Variants in NELFA observed in about 807,000 individuals in gnomAD.
NELFA encodes the protein negative elongation factor complex member A.
In NELFA, 35 loss-of-function variants were observed where a neutral mutation model predicts 51.8. The ratio of observed to expected loss-of-function variants is 0.68; its 90% CI spans 0.52 to 0.90. The LOEUF is 0.90. Among genes scored for constraint, NELFA ranks in the 40% least tolerant of loss-of-function variants. The pLI, the probability that NELFA is intolerant of heterozygous loss-of-function variation, is 0.00. For missense variants in NELFA, 658 were observed against 746.4 expected (o/e 0.88, Z 1.38); for synonymous variants, 417 against 338.4 (o/e 1.23, Z -2.55).
In NELFA at chr4:1,982,763, T is replaced by G. The variant is rs1407289640; in HGVS notation, c.*556A>C. On this transcript the variant is annotated 3_prime_UTR_variant, in exon 11 of 11. Transcript: ENST00000382882. ...TCGACTTTAATGGTTCAGATAGTTTTACAATGAAAATAGGTACCCAAAGAC... is the reference window on the plus strand; with the variant it reads ...TCGACTTTAATGGTTCAGATAGTTTGACAATGAAAATAGGTACCCAAAGAC... 6.6e-6 allele frequency: 1 copy of G among 152,148 alleles called. No homozygotes were observed. The highest frequency in any genetic ancestry group is 2.4e-5 in the African/African-American group (1 of 41,440). 9.4% of individuals were successfully genotyped at this position (152,148 alleles called of 1,614,324 possible).
intron 1 of NELFA, among the ~76,000 whole-genome samples, chr4:2,002,265 G>A (rs1348524039): frequency 1.3e-5 from 2 of 152,086 alleles, no homozygotes; most frequent in Admixed American, 6.6e-5. Flanking sequence ...TTCCATCCTC[G>A]TGGATAGGAA....
At chr4:1,986,031 C>T (rs1728081441) in intron 6 of NELFA, 83 bp downstream of exon 6, 2 of 1,471,532 alleles carry the variant, frequency 1.4e-6, no homozygotes, top group African/African-American at 1.4e-5. Flanking sequence ...GCCCTGCCCG[C>T]CGAGCGTGGG....
chr4:2,008,049 T>C (rs1348183791), intron 1 of NELFA: 1 of 456,808 alleles, frequency 2.2e-6, no homozygotes, highest in Non-Finnish European at 4.4e-6. Flanking sequence ...GCCGGGGTCT[T>C]TGCGAGGTGA....
intron 1 of NELFA, among the ~76,000 whole-genome samples, chr4:1,999,153 T>G (rs1039205800): frequency 6.6e-6 from 1 of 150,890 alleles, no homozygotes; most frequent in Admixed American, 6.6e-5. Flanking sequence ...AAAGAAGCAC[T>G]AAATATGGAA....
chr4:1,983,910 T>G lies in NELFA; in HGVS notation c.1240A>C (p.Met414Leu). 6.2e-7 allele frequency: 1 copy of G among 1,604,970 alleles called. No individual in the cohort carries two copies. Among genetic ancestry groups the G allele is most frequent in the Non-Finnish European group, 8.5e-7 (1 of 1,175,514 alleles). Residue 414 changes from methionine (M) to leucine (L), a missense_variant, in exon 9 of 11, where the codon ATG becomes CTG. Around this residue, in one of 3 missense-constraint regions of NELFA, gnomAD observed 200 missense variants for 167.9 expected, o/e 1.19. Coordinates refer to ENST00000382882, the MANE Select transcript of NELFA (RefSeq NM_005663.5). ...GGGGCCTGGGTCTGCGGGGCCACCA[T>G]GGCAACCGGGGGTGTCTGAGTGGTA... ...APTTQTPPVA[M>L]VAPQTQAPAQ... is the part of the protein sequence containing the mutation.
intron 1 of NELFA, among the ~76,000 whole-genome samples, chr4:2,008,326 A>G (rs1286041824): frequency 2.7e-5 from 4 of 149,036 alleles, no homozygotes; most frequent in African/African-American, 1.0e-4. Context: ...GGGCCCAGGG[A>G]GGGGAGTGAG....
intron 1 of NELFA, chr4:2,008,075 G>A (rs1728758375): frequency 4.4e-6 from 2 of 456,238 alleles, no homozygotes; most frequent in Admixed American, 2.4e-5. Flanking sequence ...AGAAAATCCA[G>A]TCAGCGGACA....
intron 1 of NELFA, among the ~76,000 whole-genome samples, chr4:1,997,988 A>C (rs988239829): frequency 1.3e-5 from 2 of 152,126 alleles, no homozygotes; most frequent in Admixed American, 6.5e-5. Context: ...ATGGGAGTGA[A>C]TCAGATGAAT....
chr4:2,008,673 G>A, intron 1 of NELFA, 77 bp downstream of exon 1: 1 of 1,508,402 alleles, frequency 6.6e-7, no homozygotes, highest in Non-Finnish European at 9.0e-7. Flanking sequence ...GAGCGAGGAG[G>A]GTCCGGAGTT....
intron 1 of NELFA, chr4:2,008,126 G>A (rs1728760157): frequency 2.3e-6 from 1 of 437,806 alleles, no homozygotes. Context: ...CTCACGCGGG[G>A]GTTTCTCTCG....
chr4:1,990,929 T>G (rs572108140), intron 2 of NELFA, among the ~76,000 whole-genome samples: 2 of 152,300 alleles, frequency 1.3e-5, no homozygotes, highest in Non-Finnish European at 2.9e-5. Flanking sequence ...GCCTCCCAAG[T>G]ACCTGGGAGG....
chr4:1,985,132 TAGGAGAGGGGAGGGGTTGAGGAGCCCA>T (rs1728044454), intron 7 of NELFA, among the ~76,000 whole-genome samples: 1 of 152,006 alleles, frequency 6.6e-6, no homozygotes, highest in Non-Finnish European at 1.5e-5. Flanking sequence ...CGCTCCTGTG[TAGGAGAGGGGAGGGGTTGAGGAGCCCA>T]AACAGCCCAT....
In NELFA at chr4:1,983,972, G is replaced by C; in HGVS notation, c.1178C>G (p.Ser393Trp). Residue 393 changes from serine (S) to tryptophan (W), a missense_variant, in exon 9 of 11, where the codon TCG becomes TGG. Physicochemically the swap from Ser to Trp is radical, Grantham distance 177. Coordinates refer to ENST00000382882, the MANE Select transcript of NELFA (RefSeq NM_005663.5). ...PATPTPAAPT[S>W]PLTPTTPPAV... ...CGGAGGTGTGGTGGGTGTCAGAGGC[G>C]AGGTGGGCGCCGCAGGCGTGGGTGT... The C allele has an allele frequency of 6.2e-7, 1 of 1,610,910 alleles. No homozygotes were observed. The highest frequency in any genetic ancestry group is 8.5e-7 in the Non-Finnish European group (1 of 1,179,668).
At chr4:1,995,798 A>G (rs1728405745) in intron 1 of NELFA, among the ~76,000 whole-genome samples, 2 of 152,112 alleles carry the variant, frequency 1.3e-5, no homozygotes. Flanking sequence ...GCCCCAAAAT[A>G]TATACAGCAT....
Position 1,993,559 on chromosome 4 carries a change from CAA to C in NELFA, c.211-1846_211-1845del, listed in dbSNP as rs558712643. 7.7e-3 allele frequency among the ~76,000 whole-genome samples: 1,009 copies of C among 130,660 alleles called. 10 individuals are homozygous for C. The highest frequency in any genetic ancestry group is 0.028 in the African/African-American group (964 of 34,372). The allele number at this position is 130,660 out of a possible 152,430, so 85.7% of individuals were successfully genotyped here. A position where few individuals can be genotyped will look rare whatever the true frequency, so the allele number is the denominator to read the frequency against. On this transcript the variant is annotated intron_variant, in intron 1 of 10. Coordinates refer to ENST00000382882, the MANE Select transcript of NELFA (RefSeq NM_005663.5). ...CACCATTGCACTCCAACCTGGGCAACAAGAGCGAAACTCCATCTCAAAAAAAA... is the reference window on the plus strand; with the variant it reads ...CACCATTGCACTCCAACCTGGGCAACGAGCGAAACTCCATCTCAAAAAAAA...
chr4:2,008,934 G>A lies in NELFA; in HGVS notation c.26C>T (p.Thr9Met), dbSNP rs761227801. The A allele has an allele frequency of 6.4e-7, 1 of 1,568,128 alleles. No homozygotes were observed. The highest frequency in any genetic ancestry group is 2.3e-5 in the East Asian group (1 of 42,682). The change falls in exon 1 of 11, where the codon ACG becomes ATG. Residue 9 changes from threonine to methionine, a missense_variant. Transcript: ENST00000382882. ...CAGCTTGTTGTGCAGCCACAGGCCCGTGTCGCTCTCCCGCATGGACGCCAT... is the reference window on the plus strand; with the variant it reads ...CAGCTTGTTGTGCAGCCACAGGCCCATGTCGCTCTCCCGCATGGACGCCAT... MASMRESD[T>M]GLWLHNKLGA...
intron 1 of NELFA, chr4:2,008,080 C>T (rs577480582): frequency 1.1e-5 from 5 of 456,026 alleles, no homozygotes; most frequent in East Asian, 1.4e-4. Flanking sequence ...ATCCAGTCAG[C>T]GGACACTGGA....
chr4:1,996,708 G>C (rs1036665512), intron 1 of NELFA, among the ~76,000 whole-genome samples: 1 of 152,200 alleles, frequency 6.6e-6, no homozygotes, highest in Non-Finnish European at 1.5e-5. Flanking sequence ...AAGGCATGTG[G>C]ATCACTTGAG....
rs527979629 is a variant in NELFA at position 1,989,422 on chromosome 4, G to A, written c.544+286C>T. ...AGCTCACTGCAGCCTCAACCTCGTG[G>A]GCTCAGGTGATCCTCCTACCTCAGC... On this transcript the variant is annotated intron_variant, in intron 3 of 10. Transcript: ENST00000382882. This position sits in a 1 kb window ranked among gnomAD's most constrained non-coding sequence, Gnocchi z 4.8. 2.9e-4 allele frequency among the ~76,000 whole-genome samples: 44 copies of A among 152,224 alleles called. No homozygotes were observed. Among genetic ancestry groups the A allele is most frequent in the African/African-American group, 1.0e-3 (42 of 41,528 alleles).
Sources: allele counts gnomAD v4.1 joint callset (sites outside exome capture counted in the v4.1 genomes callset), GRCh38; gene constraint gnomAD v4.1.1; regional missense constraint gnomAD v4.1.1; non-coding constraint Gnocchi (gnomAD v3.1); transcripts MANE v1.5; gene names NCBI Gene and HGNC (gene_info 2026-07-23, HGNC 2026-07-21).